The following PBX1 variants were observed in gnomAD, a reference collection of about 807,000 sequenced individuals.
PBX1 encodes the protein pre-B-cell leukemia transcription factor 1.
PBX1 carries 6 observed loss-of-function variants against 53.4 expected under a neutral mutation model. The ratio of observed to expected loss-of-function variants is 0.11; its 90% confidence interval spans 0.06 to 0.22. PBX1 has a LOEUF of 0.22. PBX1 is among the 10% of genes least tolerant of loss of function. The pLI is 1.00. For missense variants in PBX1, 251 were observed against 551.4 expected, an observed-to-expected ratio of 0.46 and a Z score of 5.46; for synonymous variants, 204 against 212.3, an observed-to-expected ratio of 0.96 and a Z score of 0.34.
chr1:164,825,607 T>G (rs1442547674), intron 8 of PBX1, among the ~76,000 whole-genome samples: 1 of 152,222 alleles, frequency 6.6e-6, no homozygotes, highest in Non-Finnish European at 1.5e-5. Flanking sequence ...CTTAAGTCTT[T>G]CTTTTTGGAA....
intron 3 of PBX1, among the ~76,000 whole-genome samples, chr1:164,798,759 A>G (rs966976199): frequency 6.6e-6 from 1 of 152,340 alleles, no homozygotes; most frequent in East Asian, 1.9e-4. Context: ...GAATCCTCTC[A>G]ATCATGTTTT....
In PBX1 at chr1:164,563,287, T is replaced by C; in HGVS notation, c.241T>C (p.Leu81=). 1 of 1,610,630 alleles carries C rather than the reference T, an allele frequency of 6.2e-7. No individual in the cohort carries two copies. Among genetic ancestry groups the C allele is most frequent in the Non-Finnish European group, 8.5e-7 (1 of 1,177,852 alleles). ...HRMKPALFNV[L]CEIKEKTVLS... is the part of the protein sequence containing the mutation. Reference sequence around the variant, plus strand: ...AATGAAGCCTGCCTTGTTTAATGTGTTGTGTGAAATCAAAGAAAAAACAGG... The same window carrying C: ...AATGAAGCCTGCCTTGTTTAATGTGCTGTGTGAAATCAAAGAAAAAACAGG... Residue 81 remains leucine (L), a synonymous_variant, in exon 2 of 9, where the codon TTG becomes CTG. Coordinates refer to ENST00000420696, the MANE Select transcript of PBX1 (RefSeq NM_002585.4).
At chr1:164,673,763 T>C (rs964186788) in intron 2 of PBX1, among the ~76,000 whole-genome samples, 4 of 152,068 alleles carry the variant, frequency 2.6e-5, no homozygotes, top group Non-Finnish European at 4.4e-5. Context: ...AGATGAAACT[T>C]TTATGGGAAT....
At chr1:164,874,452 C>T (rs952007169) in intron 2 of PBX1, among the ~76,000 whole-genome samples, 1 of 152,146 alleles carries the variant, frequency 6.6e-6, no homozygotes. Context: ...TTTACATGCA[C>T]ATACATTCTT....
intron 8 of PBX1, chr1:164,829,326 T>G (rs1670635671): frequency 6.6e-6 from 1 of 152,242 alleles, no homozygotes; most frequent in South Asian, 2.1e-4. Context: ...TGATTGACAT[T>G]TGTTATTCTT....
At chr1:164,575,422 A>C (rs1028257793) in intron 2 of PBX1, among the ~76,000 whole-genome samples, 1 of 152,232 alleles carries the variant, frequency 6.6e-6, no homozygotes, top group Non-Finnish European at 1.5e-5. Context: ...GCTTTGAGAC[A>C]GGTTGAATCT....
At chr1:164,679,926 G>GT (rs1359712582) in intron 2 of PBX1, among the ~76,000 whole-genome samples, 3 of 3,238 alleles carry the variant, frequency 9.3e-4, no homozygotes, top group Non-Finnish European at 1.6e-3. Flanking sequence ...AACTCCTGCT[G>GT]GTTTTTTTTT....
At chr1:164,693,695 C>G (rs1473711575) in intron 2 of PBX1, among the ~76,000 whole-genome samples, 1 of 152,176 alleles carries the variant, frequency 6.6e-6, no homozygotes, top group Non-Finnish European at 1.5e-5. Context: ...CCTTCACACA[C>G]TTTTGCTCTC....
At chr1:164,740,677 A>C in intron 2 of PBX1, among the ~76,000 whole-genome samples, 1 of 152,330 alleles carries the variant, frequency 6.6e-6, no homozygotes, top group South Asian at 2.1e-4. Context: ...TAATTCACAA[A>C]ATATTGAATG....
intron 2 of PBX1, among the ~76,000 whole-genome samples, chr1:164,642,411 C>T (rs1414044194): frequency 3.3e-5 from 5 of 152,202 alleles, no homozygotes; most frequent in East Asian, 3.9e-4. Flanking sequence ...CAGACCAGGA[C>T]ATTCAAGGCA....
At chr1:164,839,696 C>T (rs1671201357) in intron 8 of PBX1, among the ~76,000 whole-genome samples, 1 of 152,162 alleles carries the variant, frequency 6.6e-6, no homozygotes, top group Non-Finnish European at 1.5e-5. Flanking sequence ...TATTTCTTTG[C>T]AGCAGCGTAA....
At chr1:164,668,426 A>G (rs1660932052) in intron 2 of PBX1, among the ~76,000 whole-genome samples, 1 of 152,052 alleles carries the variant, frequency 6.6e-6, no homozygotes, top group Non-Finnish European at 1.5e-5. Flanking sequence ...ACACGCCAAC[A>G]TCTTCCTCCA....
intron 2 of PBX1, among the ~76,000 whole-genome samples, chr1:164,689,993 A>G (rs943120237): frequency 3.9e-4 from 60 of 152,258 alleles, no homozygotes; most frequent in African/African-American, 1.3e-3. Context: ...GATTACTTCT[A>G]CTGCTGTACC....
intron 2 of PBX1, among the ~76,000 whole-genome samples, chr1:164,693,265 A>G (rs1418758246): frequency 1.3e-5 from 2 of 152,252 alleles, no homozygotes; most frequent in Admixed American, 1.3e-4. Flanking sequence ...AGTGTGAAGC[A>G]GATGGCCTTT....
At chr1:164,786,681 CTG>C (rs74747780) in intron 2 of PBX1, among the ~76,000 whole-genome samples, 20,184 of 140,196 alleles carry the variant, frequency 0.14, 1,393 homozygotes, top group East Asian at 0.18. Flanking sequence ...TCAGAAGAGA[CTG>C]TGTGTGTGTG....
intron 2 of PBX1, among the ~76,000 whole-genome samples, chr1:164,572,342 A>G (rs1653939812): frequency 6.6e-6 from 1 of 151,890 alleles, no homozygotes; most frequent in Admixed American, 6.6e-5. Context: ...TATGTTTAGG[A>G]CTCTACTGTG....
downstream of PBX1, chr1:164,854,283 G>C (rs115832301): frequency 6.6e-6 from 1 of 152,114 alleles, no homozygotes. Context: ...ACCAGTTACA[G>C]ATTCCTTTGT....
chr1:164,750,071 C>T (rs1315631551), intron 2 of PBX1, among the ~76,000 whole-genome samples: 7 of 150,368 alleles, frequency 4.7e-5, no homozygotes, highest in Non-Finnish European at 7.4e-5. Flanking sequence ...CACATTAGCC[C>T]GGGTGACAGA....
At chr1:164,642,231 G>A (rs141692042) in intron 2 of PBX1, 13 of 152,290 alleles carry the variant, frequency 8.5e-5, no homozygotes, top group African/African-American at 3.1e-4. Context: ...TTTCAGAACG[G>A]ACAGAACCAA....
Sources: gnomAD v4.1 joint callset for allele counts (sites outside exome capture counted in the v4.1 genomes callset) on GRCh38, gnomAD v4.1.1 for gene constraint, MANE v1.5 for transcripts, NCBI Gene and HGNC (gene_info 2026-07-23, HGNC 2026-07-21) for gene names.